Variants in RB1 observed in about 807,000 individuals in gnomAD.
RB1 encodes the protein retinoblastoma-associated protein.
RB1 carries 18 observed loss-of-function variants against 135.4 expected under a neutral mutation model. The observed-to-expected ratio is 0.13, with a 90% CI of 0.09 to 0.20. The LOEUF (loss-of-function observed/expected upper bound fraction) is 0.20. Among genes scored for constraint, RB1 ranks in the 10% least tolerant of loss-of-function variants. The probability of loss-of-function intolerance (pLI) is 1.00; values close to 1 mark genes in which losing one functional copy is unlikely to be tolerated. For synonymous variants in RB1, 365 were observed against 373.2 expected, an observed-to-expected ratio of 0.98 and a Z score of 0.25; for missense variants, 868 against 1,110.0, an observed-to-expected ratio of 0.78 and a Z score of 3.10.
chr13:48,315,701 T>A (rs1020951366), intron 2 of RB1, among the ~76,000 whole-genome samples: 1 of 152,258 alleles, frequency 6.6e-6, no homozygotes, highest in Non-Finnish European at 1.5e-5. Context: ...GTTCCTTCAA[T>A]GCCTAGTTTG....
chr13:48,325,044 A>C (rs952160176), intron 2 of RB1, among the ~76,000 whole-genome samples: 1 of 151,566 alleles, frequency 6.6e-6, no homozygotes, highest in East Asian at 1.9e-4. Context: ...AACTTATGTC[A>C]TGGGGGTTTG....
At chr13:48,311,211 A>G (rs568396671) in intron 2 of RB1, among the ~76,000 whole-genome samples, 2 of 152,374 alleles carry the variant, frequency 1.3e-5, no homozygotes, top group Admixed American at 6.5e-5. Flanking sequence ...TTTGTTATAC[A>G]TACATATATA....
chr13:48,408,280 T>C (rs944665228), intron 17 of RB1, among the ~76,000 whole-genome samples: 2 of 151,886 alleles, frequency 1.3e-5, no homozygotes, highest in Non-Finnish European at 2.9e-5. Context: ...AATACATATA[T>C]TTTTATGCTT....
chr13:48,380,023 CTTT>C, intron 14 of RB1, 27 bp from the exon 15 acceptor site: 16 of 770,472 alleles, frequency 2.1e-5, no homozygotes, highest in Non-Finnish European at 2.7e-5. Context: ...TAAACAACTT[CTTT>C]TTTTTTTTTT....
intron 17 of RB1, among the ~76,000 whole-genome samples, chr13:48,439,216 A>G (rs1420514948): frequency 6.6e-6 from 1 of 152,214 alleles, no homozygotes; most frequent in Non-Finnish European, 1.5e-5. Context: ...AATTTCTATA[A>G]AATACACATA....
intron 19 of RB1, among the ~76,000 whole-genome samples, chr13:48,457,158 C>T (rs1433632681): frequency 6.6e-6 from 1 of 152,150 alleles, no homozygotes; most frequent in Non-Finnish European, 1.5e-5. Flanking sequence ...AGCAATAGAA[C>T]AGCTTAGAGA....
At chr13:48,336,666 T>A (rs1952388489) in intron 2 of RB1, among the ~76,000 whole-genome samples, 1 of 151,508 alleles carries the variant, frequency 6.6e-6, no homozygotes, top group African/African-American at 2.4e-5. Context: ...TTTGAAGGGT[T>A]TTTTGTGTCT....
At chr13:48,450,413 T>C (rs1949319577) in intron 17 of RB1, among the ~76,000 whole-genome samples, 1 of 152,206 alleles carries the variant, frequency 6.6e-6, no homozygotes, top group Non-Finnish European at 1.5e-5. Context: ...ATTTATTTAA[T>C]AGGGAATGCT....
intron 17 of RB1, chr13:48,412,236 T>C (rs879255262): frequency 6.2e-7 from 1 of 1,614,048 alleles, no homozygotes; most frequent in Non-Finnish European, 8.5e-7. Context: ...AAAAAGCAAG[T>C]CTGACATTGC....
intron 17 of RB1, among the ~76,000 whole-genome samples, chr13:48,401,081 A>C (rs1948687682): frequency 6.6e-6 from 1 of 152,152 alleles, no homozygotes; most frequent in African/African-American, 2.4e-5. Context: ...TTAGTTATGA[A>C]TCATGTCAGT....
chr13:48,432,859 GA>G (rs1949144453), intron 17 of RB1, among the ~76,000 whole-genome samples: 1 of 151,856 alleles, frequency 6.6e-6, no homozygotes, highest in Non-Finnish European at 1.5e-5. Flanking sequence ...AAATTAAAAG[GA>G]AAAAAGATAG....
At chr13:48,411,574 A>G in intron 17 of RB1, 1 of 1,613,718 alleles carries the variant, frequency 6.2e-7, no homozygotes, top group South Asian at 1.1e-5. Context: ...TCAAAACAAC[A>G]GTTGGAAACA....
chr13:48,342,499 T>C lies in RB1; in HGVS notation c.265-100T>C, dbSNP rs566269709. The C allele has an allele frequency of 2.2e-4, 169 of 760,924 alleles. No individual in the cohort carries two copies. The African/African-American group carries it at 2.8e-3, about 13-fold the overall frequency. The allele number at this position is 760,924 out of a possible 1,614,324, so 47.1% of individuals were successfully genotyped here. A position where few individuals can be genotyped will look rare whatever the true frequency, so the allele number is the denominator to read the frequency against. ...TACAGTATTACAAACATTTATTTTG[T>C]ATGCTGAATAAGAAAAAATCAGTTA... On this transcript the variant is annotated intron_variant, in intron 2 of 26. Coordinates refer to ENST00000267163, the MANE Select transcript of RB1 (RefSeq NM_000321.3).
intron 17 of RB1, among the ~76,000 whole-genome samples, 197 bp from the exon 18 acceptor site, chr13:48,452,796 T>C (rs1016111752): frequency 1.3e-5 from 2 of 152,158 alleles, no homozygotes; most frequent in African/African-American, 4.8e-5. Flanking sequence ...TTCTACTTTT[T>C]TGTGTGTGGG....
At chr13:48,384,698 G>A (rs1287761387) in intron 17 of RB1, among the ~76,000 whole-genome samples, 1 of 152,126 alleles carries the variant, frequency 6.6e-6, no homozygotes, top group Non-Finnish European at 1.5e-5. Flanking sequence ...CTTCTCTCCT[G>A]CCAATAATTT....
At chr13:48,398,706 A>G (rs1020738599) in intron 17 of RB1, among the ~76,000 whole-genome samples, 17 of 152,122 alleles carry the variant, frequency 1.1e-4, no homozygotes, top group African/African-American at 3.4e-4. Context: ...TCACTGTACT[A>G]CATTATTTCT....
At chr13:48,474,181 T>A (rs1949490026) in intron 24 of RB1, among the ~76,000 whole-genome samples, 1 of 151,760 alleles carries the variant, frequency 6.6e-6, no homozygotes, top group African/African-American at 2.4e-5. Flanking sequence ...TGTTGAGGGG[T>A]TTTTATGGGG....
At chr13:48,361,698 AT>A (rs1843444673) in intron 7 of RB1, among the ~76,000 whole-genome samples, 1 of 152,090 alleles carries the variant, frequency 6.6e-6, no homozygotes. Flanking sequence ...TCTAAATAAG[AT>A]TTATACTTTG....
chr13:48,375,804 C>T (rs1952815870), intron 12 of RB1, among the ~76,000 whole-genome samples: 2 of 151,932 alleles, frequency 1.3e-5, no homozygotes, highest in East Asian at 1.9e-4. Context: ...GTCTCAAACT[C>T]CAGACCTCAG....
Sources: gnomAD v4.1 joint callset for allele counts (sites outside exome capture counted in the v4.1 genomes callset) on GRCh38, gnomAD v4.1.1 for gene constraint, MANE v1.5 for transcripts, NCBI Gene and HGNC (gene_info 2026-07-23, HGNC 2026-07-21) for gene names.